MCTP1: variants seen among roughly 807,000 people sequenced by gnomAD.
MCTP1 encodes multiple C2 and transmembrane domain-containing protein 1.
In MCTP1, 69 loss-of-function variants were observed where a neutral mutation model predicts 120.6. The observed-to-expected ratio is 0.57, with a 90% CI of 0.47 to 0.70. The LOEUF is 0.70. Ranked by LOEUF, MCTP1 falls within the 30% of genes least tolerant of loss-of-function variation. The pLI is 0.00. For synonymous variants in MCTP1, 529 were observed against 493.1 expected, an observed-to-expected ratio of 1.07 and a Z score of -0.96; for missense variants, 1,203 against 1,248.8, an observed-to-expected ratio of 0.96 and a Z score of 0.55.
chr5:95,215,907 C>T (rs989488075), intron 1 of MCTP1, among the ~76,000 whole-genome samples: 2 of 151,844 alleles, frequency 1.3e-5, no homozygotes, highest in African/African-American at 4.8e-5. Flanking sequence ...ACTTTTAATA[C>T]CTAAAGAATT....
At chr5:95,210,022 C>T (rs1383666868) in intron 1 of MCTP1, among the ~76,000 whole-genome samples, 1 of 152,172 alleles carries the variant, frequency 6.6e-6, no homozygotes, top group Admixed American at 6.6e-5. Context: ...TTTGATTGCA[C>T]TGTGGTCTGA....
chr5:95,220,948 T>A (rs1379506838), intron 1 of MCTP1, among the ~76,000 whole-genome samples: 1 of 152,210 alleles, frequency 6.6e-6, no homozygotes, highest in Non-Finnish European at 1.5e-5. Flanking sequence ...AATTGAGACG[T>A]GTTGCAAACA....
intron 2 of MCTP1, among the ~76,000 whole-genome samples, chr5:94,974,756 C>T (rs1438336475): frequency 6.6e-6 from 1 of 150,782 alleles, no homozygotes; most frequent in African/African-American, 2.4e-5. Flanking sequence ...TAAAAAAAAC[C>T]AAAAAAATCT....
In MCTP1 at chr5:94,903,073, G is replaced by A. The variant is rs905865502; in HGVS notation, c.1652+6178C>T. Among the ~76,000 whole-genome samples the A allele has an allele frequency of 8.5e-5, 13 of 152,078 alleles. No homozygotes were observed. The East Asian group carries it at 1.9e-3, about 23-fold the overall frequency. On this transcript the variant is annotated intron_variant, in intron 10 of 22. Transcript: ENST00000515393. ...GGTTGAGTTTATGAAAAACCAAGAC[G>A]AAAATCAACGACAAACTCCATTCTT...
At chr5:95,104,831 T>C (rs1431139709) in intron 1 of MCTP1, among the ~76,000 whole-genome samples, 3 of 152,218 alleles carry the variant, frequency 2.0e-5, no homozygotes, top group African/African-American at 7.2e-5. Flanking sequence ...TCTTCAACAC[T>C]GAGTGACCCT....
intron 3 of MCTP1, among the ~76,000 whole-genome samples, chr5:94,952,169 CGCAAAA>C (rs1820757141): frequency 5.3e-5 from 1 of 18,882 alleles, no homozygotes; most frequent in African/African-American, 4.7e-4. Context: ...GAGACTTTGT[CGCAAAA>C]AAAAAAAAAA....
At chr5:95,138,186 T>C (rs1759590341) in intron 1 of MCTP1, among the ~76,000 whole-genome samples, 1 of 151,968 alleles carries the variant, frequency 6.6e-6, no homozygotes, top group African/African-American at 2.4e-5. Flanking sequence ...CTGAACTCAC[T>C]ATGATTGTGT....
At chr5:94,808,727 T>C (rs113114986) in intron 17 of MCTP1, among the ~76,000 whole-genome samples, 223 of 152,276 alleles carry the variant, frequency 1.5e-3, no homozygotes, top group Middle Eastern at 0.014. Context: ...AAGAACTATC[T>C]ATCTCTGTTC....
chr5:95,023,474 C>T (rs557531331), intron 1 of MCTP1, among the ~76,000 whole-genome samples: 1 of 152,330 alleles, frequency 6.6e-6, no homozygotes, highest in South Asian at 2.1e-4. Context: ...GGGTGAGTCA[C>T]ACAGAAGTTT....
chr5:94,704,006 ATGTTT>A lies in MCTP1; in HGVS notation c.*3485_*3489del, dbSNP rs1754003805. 1 of 137,784 alleles carries A rather than the reference ATGTTT, an allele frequency of 7.3e-6. No individual in the cohort carries two copies. The highest frequency in any genetic ancestry group is 1.6e-5 in the Non-Finnish European group (1 of 61,264). 8.5% of individuals were successfully genotyped at this position (137,784 alleles called of 1,614,324 possible). ...TTCACCAAAAAAAAAAGAAAAAAAA[ATGTTT>A]TGTTTTCTTTCAGTGAGTTACACCA... On this transcript the variant is annotated 3_prime_UTR_variant, in exon 23 of 23. Transcript: ENST00000515393.
At chr5:95,278,782 G>A (rs1760067963) in intron 1 of MCTP1, among the ~76,000 whole-genome samples, 1 of 151,712 alleles carries the variant, frequency 6.6e-6, no homozygotes, top group Non-Finnish European at 1.5e-5. Flanking sequence ...AACCAACATG[G>A]AGACACCCCG....
chr5:95,049,708 T>A lies in MCTP1; in HGVS notation c.721-32224A>T, dbSNP rs969582569. Among the ~76,000 whole-genome samples, 10 of 152,170 alleles carry A rather than the reference T, an allele frequency of 6.6e-5. No individual in the cohort carries two copies. The East Asian group carries it at 1.7e-3, about 26-fold the overall frequency. ...TATCTAATGATCACATCCTTTACCA[T>A]GATGCGCAGACATAGTATTTTCAAA... On this transcript the variant is annotated intron_variant, in intron 1 of 22. Coordinates refer to ENST00000515393, the MANE Select transcript of MCTP1 (RefSeq NM_024717.7).
At chr5:95,229,473 A>C (rs893391429) in intron 1 of MCTP1, among the ~76,000 whole-genome samples, 2 of 152,064 alleles carry the variant, frequency 1.3e-5, no homozygotes, top group Non-Finnish European at 2.9e-5. Context: ...TATTGATGAG[A>C]GAAAAGTTTG....
intron 19 of MCTP1, among the ~76,000 whole-genome samples, chr5:94,754,363 T>A (rs1000984156): frequency 6.6e-6 from 1 of 152,194 alleles, no homozygotes; most frequent in Non-Finnish European, 1.5e-5. Flanking sequence ...GGACTATAAT[T>A]GGCTATGCAT....
At chr5:94,957,834 C>T (rs1289478225) in intron 2 of MCTP1, among the ~76,000 whole-genome samples, 4 of 152,178 alleles carry the variant, frequency 2.6e-5, no homozygotes, top group Admixed American at 6.5e-5. Context: ...GACTTTAACA[C>T]CCCACTGTCT....
At chr5:95,222,380 T>TA (rs1217654730) in intron 1 of MCTP1, among the ~76,000 whole-genome samples, 2 of 152,260 alleles carry the variant, frequency 1.3e-5, no homozygotes, top group Non-Finnish European at 2.9e-5. Context: ...AGAGACTAGA[T>TA]ACTGGAGGAC....
intron 17 of MCTP1, among the ~76,000 whole-genome samples, chr5:94,848,730 T>C (rs1263271818): frequency 1.3e-5 from 2 of 152,034 alleles, no homozygotes; most frequent in East Asian, 3.9e-4. Flanking sequence ...TTCTGCAAAA[T>C]AAGATGCACT....
intron 1 of MCTP1, among the ~76,000 whole-genome samples, chr5:95,170,265 G>A (rs1747071368): frequency 6.6e-6 from 1 of 152,180 alleles, no homozygotes. Context: ...ATTGCACTGT[G>A]GTCTGAGAGA....
intron 7 of MCTP1, among the ~76,000 whole-genome samples, chr5:94,919,894 G>C (rs293047): frequency 0.61 from 92,194 of 152,114 alleles, 28,499 homozygotes; most frequent in Middle Eastern, 0.7. Flanking sequence ...TTTGTCCAGC[G>C]CAGTCTGAAG....
Sources: gnomAD v4.1 joint callset for allele counts (sites outside exome capture counted in the v4.1 genomes callset) on GRCh38, gnomAD v4.1.1 for gene constraint, MANE v1.5 for transcripts, NCBI Gene and HGNC (gene_info 2026-07-23, HGNC 2026-07-21) for gene names.